The following SLC26A7 variants were observed in gnomAD, a reference collection of about 807,000 sequenced individuals.
SLC26A7 encodes the protein solute carrier family 26 member 7, also known as anion exchange transporter.
A neutral mutation model predicts 82.5 loss-of-function variants in SLC26A7; 59 were observed. The ratio of observed to expected loss-of-function variants is 0.72; its 90% CI spans 0.58 to 0.89. SLC26A7 has a LOEUF of 0.89. Ranked by LOEUF, SLC26A7 falls within the 40% of genes least tolerant of loss-of-function variation. The probability of loss-of-function intolerance (pLI) is 0.00; values close to 1 mark genes in which losing one functional copy is unlikely to be tolerated. For missense variants in SLC26A7, 820 were observed against 793.0 expected, an observed-to-expected ratio of 1.03 and a Z score of -0.41; for synonymous variants, 271 against 274.3, an observed-to-expected ratio of 0.99 and a Z score of 0.12.
intron 11 of SLC26A7, among the ~76,000 whole-genome samples, chr8:91,359,165 A>G (rs890876293): frequency 1.3e-5 from 2 of 152,242 alleles, no homozygotes; most frequent in East Asian, 3.8e-4. Flanking sequence ...GTTAAGTAGG[A>G]CACTGTCAAA....
intron 5 of SLC26A7, among the ~76,000 whole-genome samples, chr8:91,327,678 G>C (rs1812970143): frequency 6.6e-6 from 1 of 152,150 alleles, no homozygotes; most frequent in African/African-American, 2.4e-5. Context: ...TTGCAGATTA[G>C]TAGTTTATAC....
intron 2 of SLC26A7, among the ~76,000 whole-genome samples, chr8:91,228,468 C>A (rs1346337099): frequency 6.6e-6 from 1 of 152,198 alleles, no homozygotes; most frequent in Admixed American, 6.5e-5. Flanking sequence ...AATATCACTG[C>A]AGACTAAAGG....
Position 91,283,049 on chromosome 8 carries a change from A to G in SLC26A7, c.194-6087A>G, listed in dbSNP as rs181616890. The stretch of plus-strand genomic sequence containing the variant: ...TAGTAGCAAAAAATTTAAAAAAATC[A>G]TTCATGTTTCCATGAAACCATAAAT... On this transcript the variant is annotated intron_variant, in intron 2 of 18. Coordinates refer to ENST00000276609, the MANE Select transcript of SLC26A7 (RefSeq NM_052832.4). Among the ~76,000 whole-genome samples the G allele has an allele frequency of 4.6e-5, 7 of 152,300 alleles. No homozygotes were observed. In the East Asian group the frequency reaches 1.2e-3, roughly 25 times the overall value.
At chr8:91,348,824 C>T (rs1340979841) in intron 9 of SLC26A7, among the ~76,000 whole-genome samples, 2 of 152,052 alleles carry the variant, frequency 1.3e-5, no homozygotes, top group Non-Finnish European at 2.9e-5. Flanking sequence ...AATATTACCT[C>T]ATATGCAAAG....
At position 91,295,339 on chromosome 8, in the gene SLC26A7, T is replaced by C. The variant is rs1423320453; in HGVS notation, c.305-192T>C. Among the ~76,000 whole-genome samples the C allele has an allele frequency of 3.0e-4, 45 of 152,156 alleles. 1 individual carries two copies. Among genetic ancestry groups the C allele is most frequent in the Admixed American group, 2.9e-3 (45 of 15,274 alleles). ...TGGCTGTACGTTGAATGAATAAGCA[T>C]ATATGGAGGTAAGTTTCCATTTCAT... On this transcript the variant is annotated intron_variant, in intron 3 of 18. Coordinates refer to ENST00000276609, the MANE Select transcript of SLC26A7 (RefSeq NM_052832.4).
chr8:91,211,233 A>G (rs1809910515), intron 1 of SLC26A7, among the ~76,000 whole-genome samples: 1 of 152,092 alleles, frequency 6.6e-6, no homozygotes, highest in African/African-American at 2.4e-5. Flanking sequence ...TATAAAAACC[A>G]TGGATTCTAG....
chr8:91,308,870 G>A (rs945498702), intron 4 of SLC26A7, among the ~76,000 whole-genome samples: 11 of 151,940 alleles, frequency 7.2e-5, no homozygotes, highest in African/African-American at 2.2e-4. Context: ...ACCCTTATTT[G>A]TTTATTTACT....
chr8:91,317,134 T>C (rs1007395738), intron 4 of SLC26A7, among the ~76,000 whole-genome samples: 1 of 151,030 alleles, frequency 6.6e-6, no homozygotes, highest in East Asian at 2.0e-4. Flanking sequence ...TACTCCAGCC[T>C]GGGAGACAGA....
chr8:91,360,274 T>C (rs2130867364), intron 11 of SLC26A7, among the ~76,000 whole-genome samples: 1 of 152,310 alleles, frequency 6.6e-6, no homozygotes, highest in East Asian at 1.9e-4. Flanking sequence ...CAAAGGATTG[T>C]GTCCCCTACT....
intron 11 of SLC26A7, among the ~76,000 whole-genome samples, chr8:91,359,402 G>A (rs1813982370): frequency 6.6e-6 from 1 of 152,180 alleles, no homozygotes; most frequent in Non-Finnish European, 1.5e-5. Context: ...ACAGATTCTG[G>A]GGTGAAGTTA....
chr8:91,371,612 T>A (rs1156247235), intron 15 of SLC26A7, among the ~76,000 whole-genome samples: 13 of 151,966 alleles, frequency 8.6e-5, no homozygotes, highest in Admixed American at 8.5e-4. Context: ...ATCGTGTATA[T>A]ATAGTACATT....
At chr8:91,231,684 A>T (rs1810312562) in intron 2 of SLC26A7, among the ~76,000 whole-genome samples, 1 of 151,976 alleles carries the variant, frequency 6.6e-6, no homozygotes, top group Non-Finnish European at 1.5e-5. Flanking sequence ...TTAAATTCTA[A>T]AACTGTAAGA....
chr8:91,331,481 C>A (rs1471931213), intron 5 of SLC26A7, among the ~76,000 whole-genome samples: 1 of 152,048 alleles, frequency 6.6e-6, no homozygotes, highest in Non-Finnish European at 1.5e-5. Flanking sequence ...ATCTTTGTAA[C>A]AAGGTCTTTT....
At chr8:91,315,255 T>A (rs1246713436) in intron 4 of SLC26A7, among the ~76,000 whole-genome samples, 2 of 152,220 alleles carry the variant, frequency 1.3e-5, no homozygotes, top group Non-Finnish European at 2.9e-5. Flanking sequence ...ATTCTACATT[T>A]AGCTGAAATG....
At chr8:91,359,210 T>C (rs557743780) in intron 11 of SLC26A7, among the ~76,000 whole-genome samples, 1 of 152,338 alleles carries the variant, frequency 6.6e-6, no homozygotes, top group East Asian at 1.9e-4. Flanking sequence ...AACTGAGATA[T>C]CATTAATAAT....
At chr8:91,375,458 A>G (rs1449033461) in intron 15 of SLC26A7, among the ~76,000 whole-genome samples, 1 of 152,018 alleles carries the variant, frequency 6.6e-6, no homozygotes, top group Admixed American at 6.6e-5. Context: ...TTGTCTGAGA[A>G]AGACTATTTC....
intron 2 of SLC26A7, among the ~76,000 whole-genome samples, chr8:91,253,736 T>C (rs1447953029): frequency 1.3e-5 from 2 of 152,138 alleles, no homozygotes; most frequent in Non-Finnish European, 2.9e-5. Context: ...TTTTTACATA[T>C]CTCTTTGATA....
intron 4 of SLC26A7, among the ~76,000 whole-genome samples, chr8:91,298,090 TG>T (rs919522747): frequency 1.3e-5 from 2 of 152,080 alleles, no homozygotes; most frequent in African/African-American, 2.4e-5. Context: ...AAGTAAGTTC[TG>T]GGGGGGCTTT....
At chr8:91,316,988 T>TAAAAAAAAAAAAAA (rs61581659) in intron 4 of SLC26A7, among the ~76,000 whole-genome samples, 1 of 15,540 alleles carries the variant, frequency 6.4e-5, no homozygotes, top group Non-Finnish European at 1.5e-4. Context: ...ACCCTGTCTC[T>TAAAAAAAAAAAAAA]AAAAAAAAAA....
Sources: gnomAD v4.1 joint callset for allele counts (sites outside exome capture counted in the v4.1 genomes callset) on GRCh38, gnomAD v4.1.1 for gene constraint, MANE v1.5 for transcripts, NCBI Gene and HGNC (gene_info 2026-07-23, HGNC 2026-07-21) for gene names.